PABPC4L: variants seen among roughly 807,000 people sequenced by gnomAD.
PABPC4L encodes poly(A) binding protein cytoplasmic 4 like.
For synonymous variants in PABPC4L, 169 were observed against 164.1 expected, an observed-to-expected ratio of 1.03 and a Z score of -0.23; for missense variants, 452 against 451.4, an observed-to-expected ratio of 1.00 and a Z score of -0.01.
the PABPC4L span, among the ~76,000 whole-genome samples, chr4:134,103,436 C>T: frequency 6.6e-6 from 1 of 151,632 alleles, no homozygotes; most frequent in Non-Finnish European, 1.5e-5. Flanking sequence ...TGAGGCCTCT[C>T]ATCTCGTCTT....
the PABPC4L span, among the ~76,000 whole-genome samples, chr4:134,095,166 C>A: frequency 6.6e-6 from 1 of 151,734 alleles, no homozygotes; most frequent in African/African-American, 2.4e-5. Context: ...TGCCTAATTA[C>A]TTTCTGATTT....
the PABPC4L span, among the ~76,000 whole-genome samples, chr4:134,049,330 T>C: frequency 1.6e-3 from 244 of 152,278 alleles, 4 homozygotes; most frequent in Non-Finnish European, 2.9e-3. Flanking sequence ...CCAAGATGCC[T>C]TTCCTCTTTT....
the PABPC4L span, among the ~76,000 whole-genome samples, chr4:134,009,915 T>C: frequency 6.6e-6 from 1 of 152,092 alleles, no homozygotes; most frequent in East Asian, 1.9e-4. Context: ...TAATTCTTTT[T>C]AGTAGATTCT....
the PABPC4L span, among the ~76,000 whole-genome samples, chr4:134,182,864 A>T: frequency 2.0e-5 from 3 of 152,182 alleles, no homozygotes; most frequent in African/African-American, 4.8e-5. Flanking sequence ...AATGCTCAAC[A>T]TCACTAATCT....
chr4:134,136,202 A>C, the PABPC4L span, among the ~76,000 whole-genome samples: 1 of 152,144 alleles, frequency 6.6e-6, no homozygotes, highest in South Asian at 2.1e-4. Context: ...GTGGTTAAGT[A>C]GACAATCTCC....
At chr4:134,161,833 A>G in the PABPC4L span, among the ~76,000 whole-genome samples, 1 of 152,134 alleles carries the variant, frequency 6.6e-6, no homozygotes, top group African/African-American at 2.4e-5. Flanking sequence ...AAAACAAAAG[A>G]CAAACCCATT....
chr4:134,191,576 A>G (rs1729513330), downstream of PABPC4L, among the ~76,000 whole-genome samples: 1 of 152,294 alleles, frequency 6.6e-6, no homozygotes, highest in African/African-American at 2.4e-5. Context: ...GAAGTTAAAA[A>G]CAAACTCCTA....
chr4:134,201,081 G>T lies in PABPC4L; in HGVS notation c.-62C>A, dbSNP rs184624369. Reference sequence around the variant, plus strand: ...GTTCTTTGAGCAATCCCTGTGGGGGGATACTAGGTCACAGCTTTGGCCCGG... The same window carrying T: ...GTTCTTTGAGCAATCCCTGTGGGGGTATACTAGGTCACAGCTTTGGCCCGG... On this transcript the variant is annotated 5_prime_UTR_variant, in exon 2 of 2. Coordinates refer to ENST00000421491, the MANE Select transcript of PABPC4L (RefSeq NM_001114734.2). 414 of 1,551,226 alleles carry T rather than the reference G, an allele frequency of 2.7e-4. 1 individual carries two copies. In the East Asian group the frequency reaches 9.8e-3, roughly 37 times the overall value.
the PABPC4L span, among the ~76,000 whole-genome samples, chr4:134,006,994 G>T: frequency 1.8e-4 from 28 of 151,790 alleles, no homozygotes; most frequent in African/African-American, 6.0e-4. Flanking sequence ...AGTTATAAAC[G>T]GATAAAGTTG....
At chr4:134,030,150 C>A in the PABPC4L span, among the ~76,000 whole-genome samples, 1 of 151,742 alleles carries the variant, frequency 6.6e-6, no homozygotes, top group East Asian at 1.9e-4. Context: ...TAAGGCAGCA[C>A]GAGAAAGGAT....
At chr4:133,972,105 T>A in the PABPC4L span, among the ~76,000 whole-genome samples, 1 of 152,202 alleles carries the variant, frequency 6.6e-6, no homozygotes, top group South Asian at 2.1e-4. Flanking sequence ...TGCACCTAAT[T>A]GAATGCTAAG....
chr4:133,977,823 T>C, the PABPC4L span: 1 of 152,242 alleles, frequency 6.6e-6, no homozygotes, highest in Non-Finnish European at 1.5e-5. Context: ...ATGTATTTTC[T>C]AGAACACGTT....
At chr4:133,964,358 C>T in the PABPC4L span, among the ~76,000 whole-genome samples, 1 of 151,144 alleles carries the variant, frequency 6.6e-6, no homozygotes, top group African/African-American at 2.4e-5. Context: ...TAGTCCAGGA[C>T]CAGATGGATT....
At chr4:134,086,464 C>CT in the PABPC4L span, among the ~76,000 whole-genome samples, 2 of 152,188 alleles carry the variant, frequency 1.3e-5, no homozygotes, top group South Asian at 4.1e-4. Context: ...TGGTCTGTCT[C>CT]TCTGCTCTTT....
the PABPC4L span, among the ~76,000 whole-genome samples, chr4:134,186,247 G>C: frequency 6.6e-6 from 1 of 152,152 alleles, no homozygotes; most frequent in Non-Finnish European, 1.5e-5. Flanking sequence ...TAAGCCAAAA[G>C]AACAAAGCTG....
At chr4:134,073,266 C>T in the PABPC4L span, among the ~76,000 whole-genome samples, 731 of 152,238 alleles carry the variant, frequency 4.8e-3, 7 homozygotes, top group African/African-American at 0.017. Flanking sequence ...AATGGGAAAA[C>T]TTGGCCAAAA....
At chr4:133,974,115 C>A in the PABPC4L span, among the ~76,000 whole-genome samples, 123 of 152,192 alleles carry the variant, frequency 8.1e-4, no homozygotes, top group African/African-American at 2.8e-3. Flanking sequence ...AAAGTTGCTA[C>A]AAATTGCAGT....
the PABPC4L span, among the ~76,000 whole-genome samples, chr4:134,019,719 C>T: frequency 2.0e-5 from 3 of 151,978 alleles, no homozygotes; most frequent in African/African-American, 7.2e-5. Flanking sequence ...ATAGACAACC[C>T]TAGAATCTTA....
chr4:133,949,363 T>C, the PABPC4L span, among the ~76,000 whole-genome samples: 6 of 152,152 alleles, frequency 3.9e-5, no homozygotes, highest in Admixed American at 3.3e-4. Flanking sequence ...GCCCTAGTTA[T>C]GTTGATTATC....
Sources: allele counts gnomAD v4.1 joint callset (sites outside exome capture counted in the v4.1 genomes callset), GRCh38; gene constraint gnomAD v4.1.1; transcripts MANE v1.5; gene names NCBI Gene and HGNC (gene_info 2026-07-23, HGNC 2026-07-21).